Variants in DLC1 observed in about 807,000 individuals in gnomAD.
DLC1 encodes the protein rho GTPase-activating protein 7.
Under a neutral mutation model 140.3 loss-of-function variants are expected in DLC1, and 54 were observed. The ratio of observed to expected loss-of-function variants is 0.38; its 90% CI spans 0.31 to 0.48. The LOEUF (loss-of-function observed/expected upper bound fraction) is 0.48. Ranked by LOEUF, DLC1 falls within the 20% of genes least tolerant of loss-of-function variation. The probability of loss-of-function intolerance (pLI) is 0.96; values close to 1 mark genes in which losing one functional copy is unlikely to be tolerated. For synonymous variants in DLC1, 986 were observed against 728.1 expected (o/e 1.35, Z -5.70); for missense variants, 2,536 against 1,907.0 (o/e 1.33, Z -6.14).
At chr8:13,443,622 C>T (rs1359274272) in intron 2 of DLC1, among the ~76,000 whole-genome samples, 1 of 141,896 alleles carries the variant, frequency 7.0e-6, no homozygotes, top group Admixed American at 7.3e-5. Context: ...CGCGCCACTG[C>T]ACTCCAGCCT....
chr8:13,098,798 T>C (rs563639441), intron 9 of DLC1, among the ~76,000 whole-genome samples: 2 of 152,248 alleles, frequency 1.3e-5, no homozygotes, highest in African/African-American at 4.8e-5. Context: ...TAATTTTTTG[T>C]AGAGATAGAG....
intron 5 of DLC1, among the ~76,000 whole-genome samples, chr8:13,173,721 G>C (rs73556460): frequency 0.054 from 8,227 of 152,178 alleles, 511 homozygotes; most frequent in African/African-American, 0.16. Context: ...CTATTTAGTT[G>C]CTTGAATTAG....
At chr8:13,456,146 C>T (rs1020964334) in intron 2 of DLC1, among the ~76,000 whole-genome samples, 6 of 152,200 alleles carry the variant, frequency 3.9e-5, no homozygotes, top group African/African-American at 1.4e-4. Context: ...GCTTCTTACT[C>T]TGGGGTCCAT....
At chr8:13,588,563 A>C (rs184590667) in intron 1 of DLC1, among the ~76,000 whole-genome samples, 1 of 152,216 alleles carries the variant, frequency 6.6e-6, no homozygotes, top group East Asian at 1.9e-4. Context: ...AAAACTCCCA[A>C]TTTTACTGGA....
At chr8:13,192,774 C>G (rs923870137) in intron 5 of DLC1, among the ~76,000 whole-genome samples, 3 of 152,148 alleles carry the variant, frequency 2.0e-5, no homozygotes, top group African/African-American at 7.2e-5. Context: ...GGAAGAGACA[C>G]CAACGGTGCA....
At chr8:13,197,381 C>T (rs1443437138) in intron 5 of DLC1, among the ~76,000 whole-genome samples, 2 of 151,812 alleles carry the variant, frequency 1.3e-5, no homozygotes, top group East Asian at 3.9e-4. Context: ...GGGAGTCTTG[C>T]TCTGTCGCCC....
At chr8:13,233,447 A>G (rs1829143741) in intron 5 of DLC1, among the ~76,000 whole-genome samples, 1 of 151,716 alleles carries the variant, frequency 6.6e-6, no homozygotes, top group Admixed American at 6.6e-5. Context: ...TATGGAAGAG[A>G]TTTCAATACA....
chr8:13,219,754 A>C (rs1414948018), intron 5 of DLC1, among the ~76,000 whole-genome samples: 1 of 152,156 alleles, frequency 6.6e-6, no homozygotes, highest in East Asian at 1.9e-4. Context: ...TATTTATAGC[A>C]ACCAAAAGTG....
In DLC1 at chr8:13,295,935, A is replaced by AT. The variant is rs1456240068; in HGVS notation, c.1348+9333dup. 1.3e-3 allele frequency among the ~76,000 whole-genome samples: 114 copies of AT among 85,294 alleles called. 3 individuals carry two copies. The highest frequency in any genetic ancestry group is 1.6e-3 in the Non-Finnish European group (67 of 41,114). 56.0% of individuals were successfully genotyped at this position (85,294 alleles called of 152,430 possible). A position where few individuals can be genotyped will look rare whatever the true frequency, so the allele number is the denominator to read the frequency against. ...GACATCTAAGAGATGATCAGATAAGATTCTTTGTTTTTTTTTTTTTTTTTT... is the reference window on the plus strand; with the variant it reads ...GACATCTAAGAGATGATCAGATAAGATTTCTTTGTTTTTTTTTTTTTTTTTT... On this transcript the variant is annotated intron_variant, in intron 5 of 17. Coordinates refer to ENST00000276297, the MANE Select transcript of DLC1 (RefSeq NM_182643.3).
intron 4 of DLC1, among the ~76,000 whole-genome samples, chr8:13,316,421 CTT>C (rs200548235): frequency 6.6e-6 from 1 of 150,936 alleles, no homozygotes; most frequent in African/African-American, 2.4e-5. Context: ...TAGCATGTTT[CTT>C]TTTTTTTGCA....
At chr8:13,392,902 A>G (rs1586264103) in intron 4 of DLC1, among the ~76,000 whole-genome samples, 1 of 152,310 alleles carries the variant, frequency 6.6e-6, no homozygotes. Flanking sequence ...TTTATGCATT[A>G]CTTATTCTGC....
At chr8:13,439,768 C>G (rs1425333366) in intron 2 of DLC1, among the ~76,000 whole-genome samples, 1 of 152,160 alleles carries the variant, frequency 6.6e-6, no homozygotes, top group African/African-American at 2.4e-5. Flanking sequence ...GAACTACCAG[C>G]TTCCAGAAAA....
At chr8:13,485,444 T>C (rs1800927837) in intron 2 of DLC1, among the ~76,000 whole-genome samples, 1 of 152,206 alleles carries the variant, frequency 6.6e-6, no homozygotes, top group Non-Finnish European at 1.5e-5. Context: ...ACCTTATGTA[T>C]ACCACATTTT....
intron 15 of DLC1, among the ~76,000 whole-genome samples, chr8:13,089,708 CTGTT>C (rs568117445): frequency 3.2e-3 from 486 of 152,316 alleles, no homozygotes; most frequent in African/African-American, 0.011. Context: ...CCTACTCCCA[CTGTT>C]TGTTTATTTT....
chr8:13,566,924 C>G, intron 1 of DLC1: 5 of 1,464,498 alleles, frequency 3.4e-6, no homozygotes, highest in Non-Finnish European at 3.6e-6. Context: ...GGGGTCAGCT[C>G]CTGACGGGTT....
At chr8:13,272,537 T>TA (rs1280243507) in intron 5 of DLC1, among the ~76,000 whole-genome samples, 1 of 152,162 alleles carries the variant, frequency 6.6e-6, no homozygotes, top group African/African-American at 2.4e-5. Flanking sequence ...TGAGTTAAAT[T>TA]ACAACAGTGT....
chr8:13,419,859 G>C lies in DLC1; in HGVS notation c.1024-18240C>G, dbSNP rs560741442. Among the ~76,000 whole-genome samples, 12 of 152,218 alleles carry C rather than the reference G, an allele frequency of 7.9e-5. 1 individual carries two copies. The highest frequency in any genetic ancestry group is 1.5e-4 in the Non-Finnish European group (10 of 68,004). Reference sequence around the variant, plus strand: ...ATCTGGTCCTGGACTCCTTTTGGTTGGTAAGCTATTGATTATTGCCACAAT... The same window carrying C: ...ATCTGGTCCTGGACTCCTTTTGGTTCGTAAGCTATTGATTATTGCCACAAT... On this transcript the variant is annotated intron_variant, in intron 2 of 17. Coordinates refer to ENST00000276297, the MANE Select transcript of DLC1 (RefSeq NM_182643.3).
intron 12 of DLC1, among the ~76,000 whole-genome samples, chr8:13,093,178 C>G (rs565573496): frequency 1.2e-4 from 19 of 152,046 alleles, no homozygotes; most frequent in Middle Eastern, 3.4e-3. Context: ...TTATCAATCT[C>G]AATTACTGAA....
chr8:13,414,023 A>G (rs1362410282), intron 2 of DLC1, among the ~76,000 whole-genome samples: 1 of 152,142 alleles, frequency 6.6e-6, no homozygotes, highest in African/African-American at 2.4e-5. Context: ...ATAAAAATAA[A>G]CGCTTATTGA....
Sources: gnomAD v4.1 joint callset for allele counts (sites outside exome capture counted in the v4.1 genomes callset) on GRCh38, gnomAD v4.1.1 for gene constraint, MANE v1.5 for transcripts, NCBI Gene and HGNC (gene_info 2026-07-23, HGNC 2026-07-21) for gene names.